The following TMX4 variants were observed in gnomAD, a reference collection of about 807,000 sequenced individuals.
TMX4 encodes the protein thioredoxin related transmembrane protein 4.
A neutral mutation model predicts 33.3 loss-of-function variants in TMX4; 23 were observed. The observed-to-expected ratio is 0.69, with a 90% confidence interval of 0.50 to 0.98. The LOEUF (loss-of-function observed/expected upper bound fraction) is 0.98. Ranked by LOEUF, TMX4 falls within the 50% of genes least tolerant of loss-of-function variation. The pLI, the probability that TMX4 is intolerant of heterozygous loss-of-function variation, is 0.00. For synonymous variants in TMX4, 164 were observed against 161.5 expected, an observed-to-expected ratio of 1.02 and a Z score of -0.12; for missense variants, 399 against 448.9, an observed-to-expected ratio of 0.89 and a Z score of 1.01.
At chr20:8,010,977 T>C (rs2050750606) in intron 1 of TMX4, among the ~76,000 whole-genome samples, 1 of 152,140 alleles carries the variant, frequency 6.6e-6, no homozygotes, top group African/African-American at 2.4e-5. Context: ...GCTACAATTG[T>C]GAAGGAGATT....
intron 2 of TMX4, among the ~76,000 whole-genome samples, chr20:8,008,449 C>A (rs998104896): frequency 1.3e-5 from 2 of 152,040 alleles, no homozygotes; most frequent in Non-Finnish European, 2.9e-5. Context: ...AAATCAATTT[C>A]TCTCTTATTT....
chr20:7,996,184 C>T, intron 4 of TMX4, 113 bp from the exon 5 acceptor site: 1 of 754,954 alleles, frequency 1.3e-6, no homozygotes, highest in Non-Finnish European at 2.2e-6. Context: ...AATATTGCCC[C>T]CTCTCCCAGA....
intron 2 of TMX4, among the ~76,000 whole-genome samples, chr20:8,009,794 A>C (rs974008182): frequency 6.6e-6 from 1 of 151,424 alleles, no homozygotes; most frequent in African/African-American, 2.4e-5. Flanking sequence ...TGATTGCAAG[A>C]GACTAAAAAG....
Position 7,982,553 on chromosome 20 carries a change from C to T in TMX4, c.748G>A (p.Asp250Asn), listed in dbSNP as rs751387678. Residue 250 changes from aspartate to asparagine, a missense_variant, in exon 8 of 8, where the codon GAT becomes AAT. Transcript: ENST00000246024. ...TCTTTGTTTTCTTCTTCATTTGAAT[C>T]ATCTTTTTCCTCCTCCGCATCCTGC... ...QLQDAEEEKD[D>N]SNEEENKDSL... 1 of 1,613,964 alleles carries T rather than the reference C, an allele frequency of 6.2e-7. No individual in the cohort carries two copies. The highest frequency in any genetic ancestry group is 8.5e-7 in the Non-Finnish European group (1 of 1,179,964).
rs1160056950 is a variant in TMX4, at chr20:7,982,533, G to A, written c.768C>T (p.Asn256=). The A allele has an allele frequency of 6.2e-7, 1 of 1,613,704 alleles. No homozygotes were observed. The highest frequency in any genetic ancestry group is 8.5e-7 in the Non-Finnish European group (1 of 1,179,804). The part of the protein sequence containing the change: ...EEKDDSNEEE[N]KDSLVDDEEE... ...CTTCATCATCTACAAGGCTGTCTTT[G>A]TTTTCTTCTTCATTTGAATCATCTT... is the stretch of plus-strand genomic sequence containing the variant. Residue 256 remains asparagine, a synonymous_variant, in exon 8 of 8, where the codon AAC becomes AAT. Transcript: ENST00000246024.
At chr20:7,999,467 A>G (rs1356975463) in intron 4 of TMX4, among the ~76,000 whole-genome samples, 2 of 152,216 alleles carry the variant, frequency 1.3e-5, no homozygotes, top group African/African-American at 2.4e-5. Context: ...AAAAATAGTC[A>G]TTGTGGCTTA....
chr20:8,005,190 T>C (rs941972540), intron 2 of TMX4, among the ~76,000 whole-genome samples: 5 of 152,110 alleles, frequency 3.3e-5, no homozygotes, highest in Middle Eastern at 6.8e-3. Flanking sequence ...TCTAGTGAAA[T>C]AGCCATCACT....
At chr20:8,018,471 G>A (rs372060420) in intron 1 of TMX4, among the ~76,000 whole-genome samples, 2 of 38,764 alleles carry the variant, frequency 5.2e-5, no homozygotes, top group African/African-American at 3.1e-4. Flanking sequence ...AGGGAGGGAG[G>A]GAGGGAGGGG....
chr20:7,983,774 C>T lies in TMX4; in HGVS notation c.679+20G>A, dbSNP rs1364420449. On this transcript the variant is annotated intron_variant, in intron 7 of 7. Coordinates refer to ENST00000246024, the MANE Select transcript of TMX4 (RefSeq NM_021156.4). Reference sequence around the variant, plus strand: ...AGAATTCCAAAAACACTCTAGATCACAGGAGCTTATCGTACTTACCAGAAC... The same window carrying T: ...AGAATTCCAAAAACACTCTAGATCATAGGAGCTTATCGTACTTACCAGAAC... The T allele has an allele frequency of 1.9e-6, 3 of 1,609,534 alleles. No individual in the cohort carries two copies. Among genetic ancestry groups the T allele is most frequent in the South Asian group, 1.1e-5 (1 of 90,696 alleles).
chr20:8,019,147 C>A, intron 1 of TMX4: 1 of 486,706 alleles, frequency 2.1e-6, no homozygotes, highest in Non-Finnish European at 3.7e-6. Context: ...AGGGGACGCG[C>A]TGCACCCTCG....
intron 5 of TMX4, among the ~76,000 whole-genome samples, chr20:7,992,309 G>A (rs1196260631): frequency 6.6e-6 from 1 of 152,088 alleles, no homozygotes; most frequent in Non-Finnish European, 1.5e-5. Flanking sequence ...CTATTTGTGA[G>A]GATAGATATT....
intron 5 of TMX4, among the ~76,000 whole-genome samples, chr20:7,992,387 A>G (rs552794532): frequency 1.4e-4 from 21 of 152,326 alleles, no homozygotes; most frequent in African/African-American, 5.1e-4. Flanking sequence ...GAGCGCCATC[A>G]TGAGTGAATT....
chr20:7,985,974 A>G (rs1568533549), intron 6 of TMX4, among the ~76,000 whole-genome samples: 1 of 152,194 alleles, frequency 6.6e-6, no homozygotes, highest in Non-Finnish European at 1.5e-5. Flanking sequence ...CACACAACCT[A>G]CATTCCCTAT....
rs1234084874 is a variant in TMX4 at position 7,978,073 on chromosome 20, A to G, written c.*4178T>C. 1 of 152,222 alleles carries G rather than the reference A, an allele frequency of 6.6e-6. No individual in the cohort carries two copies. Among genetic ancestry groups the G allele is most frequent in the Non-Finnish European group, 1.5e-5 (1 of 68,034 alleles). 9.4% of individuals were successfully genotyped at this position (152,222 alleles called of 1,614,324 possible). A position where few individuals can be genotyped will look rare whatever the true frequency, so the allele number is the denominator to read the frequency against. On this transcript the variant is annotated 3_prime_UTR_variant, in exon 8 of 8. Transcript: ENST00000246024. ...TGAGGTAAAGAGATATTAAACAAGAAGGAACTTTTCTGTTGGCATAAGAGA... is the reference window on the plus strand; with the variant it reads ...TGAGGTAAAGAGATATTAAACAAGAGGGAACTTTTCTGTTGGCATAAGAGA...
At chr20:7,997,960 G>T (rs1024654834) in intron 4 of TMX4, among the ~76,000 whole-genome samples, 1 of 151,994 alleles carries the variant, frequency 6.6e-6, no homozygotes, top group Non-Finnish European at 1.5e-5. Flanking sequence ...CAGGAGATTT[G>T]GTTGTTTAAC....
intron 5 of TMX4, among the ~76,000 whole-genome samples, chr20:7,987,782 G>A (rs554962932): frequency 1.3e-5 from 2 of 152,108 alleles, no homozygotes; most frequent in Non-Finnish European, 1.5e-5. Flanking sequence ...ACTAAATTAC[G>A]ACTTACAGAA....
At chr20:8,001,658 T>G (rs1338237667) in intron 2 of TMX4, 117 bp from the exon 3 acceptor site, 1 of 1,033,822 alleles carries the variant, frequency 9.7e-7, no homozygotes, top group Non-Finnish European at 1.4e-6. Flanking sequence ...TCACATTTAC[T>G]ATTTTTTTTG....
chr20:8,001,582 C>T (rs776050872), intron 2 of TMX4, 41 bp from the exon 3 acceptor site: 19 of 1,563,046 alleles, frequency 1.2e-5, no homozygotes, highest in Non-Finnish European at 1.6e-5. Flanking sequence ...CACTTAAGTC[C>T]TCCAAAAAAA....
chr20:7,995,793 C>T (rs775139117), intron 5 of TMX4, among the ~76,000 whole-genome samples: 17 of 151,898 alleles, frequency 1.1e-4, no homozygotes, highest in Non-Finnish European at 2.5e-4. Flanking sequence ...GACTTCACCA[C>T]TGATTTAAGA....
Sources: allele counts gnomAD v4.1 joint callset (sites outside exome capture counted in the v4.1 genomes callset), GRCh38; gene constraint gnomAD v4.1.1; transcripts MANE v1.5; gene names NCBI Gene and HGNC (gene_info 2026-07-23, HGNC 2026-07-21).